The following DLG2 variants were observed in gnomAD, a reference collection of about 807,000 sequenced individuals.
DLG2 encodes disks large homolog 2.
Under a neutral mutation model 132.5 loss-of-function variants are expected in DLG2, and 45 were observed. The observed-to-expected ratio is 0.34, with a 90% CI of 0.27 to 0.44. The LOEUF is 0.44. Among genes scored for constraint, DLG2 ranks in the 20% least tolerant of loss-of-function variants. The pLI, the probability that DLG2 is intolerant of heterozygous loss-of-function variation, is 1.00. For missense variants in DLG2, 1,045 were observed against 1,196.9 expected, an observed-to-expected ratio of 0.87 and a Z score of 1.87; for synonymous variants, 424 against 419.6, an observed-to-expected ratio of 1.01 and a Z score of -0.13.
At chr11:84,946,556 T>C (rs1372828577) in intron 6 of DLG2, among the ~76,000 whole-genome samples, 1 of 152,040 alleles carries the variant, frequency 6.6e-6, no homozygotes, top group Non-Finnish European at 1.5e-5. Context: ...CCTAGTGCCC[T>C]ATTATATAGT....
intron 6 of DLG2, among the ~76,000 whole-genome samples, chr11:84,656,294 T>G (rs1446538306): frequency 2.0e-5 from 3 of 152,124 alleles, no homozygotes; most frequent in Non-Finnish European, 4.4e-5. Context: ...CAACATCTGT[T>G]CACTTCTCTG....
Position 85,252,367 on chromosome 11 carries a change from T to A in DLG2, c.186+32853A>T, listed in dbSNP as rs1447734542. Among the ~76,000 whole-genome samples, 3 of 152,144 alleles carry A rather than the reference T, an allele frequency of 2.0e-5. No homozygotes were observed. The East Asian group carries it at 5.8e-4, about 29-fold the overall frequency. The stretch of plus-strand genomic sequence containing the variant: ...TGGTTGGGAGGCCAAGGCAGGCGGA[T>A]CACGAGGTCAGGAGATCAAGACCAT... On this transcript the variant is annotated intron_variant, in intron 4 of 27. Coordinates refer to ENST00000376104, the MANE Select transcript of DLG2 (RefSeq NM_001142699.3).
At chr11:84,428,174 A>C (rs1014666922) in intron 7 of DLG2, among the ~76,000 whole-genome samples, 1 of 152,170 alleles carries the variant, frequency 6.6e-6, no homozygotes, top group Non-Finnish European at 1.5e-5. Context: ...CTCCTTTTTA[A>C]AAAATATATT....
chr11:85,430,858 A>AT (rs1024980691), intron 3 of DLG2, among the ~76,000 whole-genome samples: 1 of 151,724 alleles, frequency 6.6e-6, no homozygotes, highest in Admixed American at 6.6e-5. Context: ...CAAAAAAAAA[A>AT]AAAAAAATAC....
intron 6 of DLG2, among the ~76,000 whole-genome samples, chr11:84,975,029 AG>A (rs1452236309): frequency 1.3e-5 from 2 of 152,132 alleles, no homozygotes; most frequent in Non-Finnish European, 2.9e-5. Flanking sequence ...TGATTTTTGC[AG>A]GTGTCATAGT....
At chr11:84,390,632 G>T (rs1453264148) in intron 7 of DLG2, among the ~76,000 whole-genome samples, 1 of 152,176 alleles carries the variant, frequency 6.6e-6, no homozygotes, top group Non-Finnish European at 1.5e-5. Flanking sequence ...CAAAGGGGGA[G>T]CACTTGGATA....
intron 7 of DLG2, among the ~76,000 whole-genome samples, chr11:84,481,144 G>C (rs2099136398): frequency 6.6e-6 from 1 of 152,094 alleles, no homozygotes; most frequent in Non-Finnish European, 1.5e-5. Context: ...GATACTGTTA[G>C]CGCTCAATGA....
rs951768753 is a variant in DLG2 at position 83,507,556 on chromosome 11, C to T, written c.2194-23328G>A. The stretch of plus-strand genomic sequence containing the variant: ...TCCTAAATATCCTAAAGATATATAT[C>T]CTAAGTATATATATCCTATAGATAT... On this transcript the variant is annotated intron_variant, in intron 21 of 27. Coordinates refer to ENST00000376104, the MANE Select transcript of DLG2 (RefSeq NM_001142699.3). Among the ~76,000 whole-genome samples, 10 of 139,574 alleles carry T rather than the reference C, an allele frequency of 7.2e-5. No homozygotes were observed. In the East Asian group the frequency reaches 2.1e-3, roughly 30 times the overall value. 91.6% of individuals were successfully genotyped at this position (139,574 alleles called of 152,430 possible).
chr11:83,980,374 T>C (rs2092678006), intron 12 of DLG2, 132 bp downstream of exon 12: 1 of 997,198 alleles, frequency 1.0e-6, no homozygotes, highest in Non-Finnish European at 1.4e-6. Context: ...TGTGAGAAAA[T>C]AGATTTCTGC....
intron 6 of DLG2, among the ~76,000 whole-genome samples, chr11:84,668,413 T>C (rs2099702182): frequency 1.3e-5 from 2 of 152,168 alleles, no homozygotes; most frequent in Admixed American, 1.3e-4. Context: ...CTTTGAATTA[T>C]CAAATAGAAG....
intron 6 of DLG2, among the ~76,000 whole-genome samples, chr11:84,785,565 A>G (rs1178668141): frequency 2.0e-5 from 3 of 152,098 alleles, no homozygotes; most frequent in Non-Finnish European, 4.4e-5. Context: ...ATAAAGAGAA[A>G]TTTCATTTCA....
intron 7 of DLG2, among the ~76,000 whole-genome samples, chr11:84,371,269 T>G (rs1343438453): frequency 6.6e-6 from 1 of 151,758 alleles, no homozygotes; most frequent in African/African-American, 2.4e-5. Context: ...CTTTTTTTTT[T>G]TTTTTTGATA....
chr11:84,243,346 C>A (rs2060194993), intron 8 of DLG2, among the ~76,000 whole-genome samples: 1 of 152,006 alleles, frequency 6.6e-6, no homozygotes. Context: ...AAGCAAAGGT[C>A]TAGAAAGTAG....
At chr11:84,889,189 A>C (rs1367437208) in intron 6 of DLG2, among the ~76,000 whole-genome samples, 1 of 152,176 alleles carries the variant, frequency 6.6e-6, no homozygotes. Context: ...AAAGAAATAT[A>C]AAGGCACGAT....
intron 7 of DLG2, among the ~76,000 whole-genome samples, chr11:84,285,112 C>G (rs924387551): frequency 5.3e-5 from 8 of 152,138 alleles, no homozygotes; most frequent in Non-Finnish European, 8.8e-5. Context: ...GCTCAGATTT[C>G]TCTCCTAAAT....
intron 6 of DLG2, among the ~76,000 whole-genome samples, chr11:84,625,112 G>A (rs1235450294): frequency 6.6e-6 from 1 of 151,322 alleles, no homozygotes; most frequent in Non-Finnish European, 1.5e-5. Context: ...CGCCCGCCTC[G>A]GCCTCCCAAA....
chr11:84,050,426 T>A (rs1377596486), intron 11 of DLG2, among the ~76,000 whole-genome samples: 1 of 152,022 alleles, frequency 6.6e-6, no homozygotes, highest in Non-Finnish European at 1.5e-5. Context: ...TAGCCTTTTG[T>A]CAGATGAGTA....
At chr11:84,143,236 A>G (rs2094932359) in intron 9 of DLG2, among the ~76,000 whole-genome samples, 1 of 152,184 alleles carries the variant, frequency 6.6e-6, no homozygotes, top group Admixed American at 6.5e-5. Context: ...GCCTTGAAGT[A>G]ATGAAGAGAA....
chr11:85,032,846 T>C (rs1329254143), intron 6 of DLG2, among the ~76,000 whole-genome samples: 2 of 152,168 alleles, frequency 1.3e-5, no homozygotes, highest in African/African-American at 4.8e-5. Flanking sequence ...AGAAATGACT[T>C]GGATTCAGAG....
Sources: allele counts gnomAD v4.1 joint callset (sites outside exome capture counted in the v4.1 genomes callset), GRCh38; gene constraint gnomAD v4.1.1; transcripts MANE v1.5; gene names NCBI Gene and HGNC (gene_info 2026-07-23, HGNC 2026-07-21).